CDH8: variants seen among roughly 807,000 people sequenced by gnomAD.
The protein encoded by CDH8 is cadherin 8.
CDH8 carries 17 observed loss-of-function variants against 68.1 expected under a neutral mutation model. The observed-to-expected ratio is 0.25, with a 90% CI of 0.17 to 0.37. The LOEUF (loss-of-function observed/expected upper bound fraction) is 0.37. Among genes scored for constraint, CDH8 ranks in the 10% least tolerant of loss-of-function variants. CDH8 has a pLI of 1.00. For synonymous variants in CDH8, 372 were observed against 365.1 expected (o/e 1.02, Z -0.21); for missense variants, 763 against 999.3 (o/e 0.76, Z 3.19).
At chr16:61,676,670 C>T (rs916444483) in intron 10 of CDH8, among the ~76,000 whole-genome samples, 11 of 152,126 alleles carry the variant, frequency 7.2e-5, no homozygotes, top group African/African-American at 2.4e-4. Context: ...TTTTGAAAGA[C>T]TGAATATTTT....
intron 10 of CDH8, among the ~76,000 whole-genome samples, chr16:61,671,984 T>C (rs1022200781): frequency 6.6e-6 from 1 of 152,156 alleles, no homozygotes; most frequent in Non-Finnish European, 1.5e-5. Context: ...AATTCCCTTT[T>C]GTTGTACACT....
intron 2 of CDH8, among the ~76,000 whole-genome samples, chr16:62,011,043 T>A (rs7187582): frequency 0.5 from 62,255 of 124,756 alleles, 13,305 homozygotes; most frequent in East Asian, 0.73. Context: ...GAAAAAAAAA[T>A]AAATAAATGT....
intron 2 of CDH8, among the ~76,000 whole-genome samples, chr16:61,956,831 T>A (rs1173315647): frequency 6.6e-6 from 1 of 152,178 alleles, no homozygotes; most frequent in Non-Finnish European, 1.5e-5. Context: ...GTAGGTGGTC[T>A]AGTTTGTAGG....
At chr16:61,978,846 G>A (rs2066401288) in intron 2 of CDH8, among the ~76,000 whole-genome samples, 1 of 152,126 alleles carries the variant, frequency 6.6e-6, no homozygotes, top group African/African-American at 2.4e-5. Flanking sequence ...TGTGTATGGA[G>A]CTGTAACACA....
chr16:61,843,653 T>TTTTG (rs375571335), intron 4 of CDH8, among the ~76,000 whole-genome samples: 57 of 152,276 alleles, frequency 3.7e-4, no homozygotes, highest in African/African-American at 7.0e-4. Context: ...GAGGCTTAGC[T>TTTTG]TTTGTTTGTT....
intron 7 of CDH8, among the ~76,000 whole-genome samples, chr16:61,794,250 T>C (rs1266166264): frequency 6.6e-6 from 1 of 151,876 alleles, no homozygotes; most frequent in Admixed American, 6.6e-5. Context: ...AGGAGAGTCT[T>C]AGTCCAAAGG....
At chr16:61,952,985 T>C (rs1964921500) in intron 2 of CDH8, among the ~76,000 whole-genome samples, 2 of 152,110 alleles carry the variant, frequency 1.3e-5, no homozygotes, top group Non-Finnish European at 2.9e-5. Context: ...TAAATCCCCA[T>C]GTGAGGATGG....
intron 3 of CDH8, among the ~76,000 whole-genome samples, chr16:61,861,913 C>T (rs951446614): frequency 6.6e-6 from 1 of 152,094 alleles, no homozygotes; most frequent in Admixed American, 6.5e-5. Flanking sequence ...TGTGTGTATA[C>T]AGGTAAAACT....
Position 61,825,153 on chromosome 16 carries a change from T to A in CDH8, c.694A>T (p.Met232Leu). ...TAIIKTALPN[M>L]DREAKEEYLV... is the part of the protein sequence containing the mutation. ...TACTCCTCCTTGGCTTCTCTGTCCA[T>A]GTTGGGAAGGGCAGTTTTTATAATA... Residue 232 changes from methionine (M) to leucine (L), a missense_variant, in exon 5 of 12, where the codon ATG becomes TTG. Physicochemically the swap from Met to Leu is conservative, Grantham distance 15. Around this residue, in one of 2 missense-constraint regions of CDH8, gnomAD observed 366 missense variants for 563.1 expected, o/e 0.65. Coordinates refer to ENST00000577390, the MANE Select transcript of CDH8 (RefSeq NM_001796.5). 1 of 1,607,302 alleles carries A rather than the reference T, an allele frequency of 6.2e-7. No individual in the cohort carries two copies. Among genetic ancestry groups the A allele is most frequent in the East Asian group, 2.2e-5 (1 of 44,778 alleles).
chr16:61,787,856 C>T (rs965085568), intron 8 of CDH8, among the ~76,000 whole-genome samples: 34 of 137,900 alleles, frequency 2.5e-4, no homozygotes, highest in East Asian at 7.3e-4. Flanking sequence ...AAACCAAACA[C>T]GGCATATTCT....
chr16:61,849,879 A>T (rs1240414464), intron 4 of CDH8, among the ~76,000 whole-genome samples: 1 of 152,168 alleles, frequency 6.6e-6, no homozygotes, highest in Non-Finnish European at 1.5e-5. Flanking sequence ...ATTAAATACA[A>T]ACAAAAATAA....
At chr16:61,966,085 C>A (rs1006901713) in intron 2 of CDH8, among the ~76,000 whole-genome samples, 28 of 152,206 alleles carry the variant, frequency 1.8e-4, no homozygotes, top group African/African-American at 6.0e-4. Flanking sequence ...TCGCAAAAAA[C>A]TTTATTAGGC....
At chr16:61,932,809 G>A (rs1024638248) in intron 2 of CDH8, among the ~76,000 whole-genome samples, 2 of 152,142 alleles carry the variant, frequency 1.3e-5, no homozygotes, top group Non-Finnish European at 2.9e-5. Flanking sequence ...CTTTAGCCTA[G>A]TACTCTAAAC....
chr16:61,839,524 T>A (rs1023906993), intron 4 of CDH8, among the ~76,000 whole-genome samples: 6 of 152,150 alleles, frequency 3.9e-5, no homozygotes, highest in African/African-American at 1.4e-4. Flanking sequence ...GGTGAGCAAA[T>A]CAGACAGATG....
chr16:61,960,217 G>A (rs1360541056), intron 2 of CDH8, among the ~76,000 whole-genome samples: 1 of 111,206 alleles, frequency 9.0e-6, no homozygotes, highest in Non-Finnish European at 1.8e-5. Context: ...ATACATGTGT[G>A]TGTGTATACA....
At chr16:61,667,772 T>G (rs181643979) in intron 10 of CDH8, 106 of 152,158 alleles carry the variant, frequency 7.0e-4, no homozygotes, top group African/African-American at 2.5e-3. Context: ...TTACATATAT[T>G]TATGATTTAC....
At chr16:61,732,791 GTATC>G (rs542564625) in intron 8 of CDH8, among the ~76,000 whole-genome samples, 59 of 151,886 alleles carry the variant, frequency 3.9e-4, no homozygotes, top group African/African-American at 1.3e-3. Context: ...AAAACTCTAT[GTATC>G]TATTTATATT....
chr16:61,736,105 A>AAGAG (rs1344660464), intron 8 of CDH8, among the ~76,000 whole-genome samples: 1 of 126,804 alleles, frequency 7.9e-6, no homozygotes, highest in Non-Finnish European at 1.7e-5. Flanking sequence ...GAAGGAAAGA[A>AAGAG]AGAAAGAAAG....
chr16:61,953,729 C>T (rs566824066), intron 2 of CDH8, among the ~76,000 whole-genome samples: 1 of 151,164 alleles, frequency 6.6e-6, no homozygotes, highest in South Asian at 2.1e-4. Context: ...ACTAGCCAGG[C>T]ATGGTGGCAC....
Sources: gnomAD v4.1 joint callset for allele counts (sites outside exome capture counted in the v4.1 genomes callset) on GRCh38, gnomAD v4.1.1 for gene constraint, gnomAD v4.1.1 regional missense constraint, MANE v1.5 for transcripts, NCBI Gene and HGNC (gene_info 2026-07-23, HGNC 2026-07-21) for gene names.